Variants in STK39 observed in about 807,000 individuals in gnomAD.
STK39 encodes serine/threonine kinase 39, also known as STE20/SPS1-related proline-alanine-rich protein kinase.
STK39 carries 20 observed loss-of-function variants against 77.8 expected under a neutral mutation model. The ratio of observed to expected loss-of-function variants is 0.26; its 90% confidence interval spans 0.18 to 0.37. STK39 has a LOEUF of 0.37. Ranked by LOEUF, STK39 falls within the 10% of genes least tolerant of loss-of-function variation. The probability of loss-of-function intolerance (pLI) is 1.00; values close to 1 mark genes in which losing one functional copy is unlikely to be tolerated. For missense variants in STK39, 479 were observed against 656.5 expected (o/e 0.73, Z 2.95); for synonymous variants, 246 against 234.1 (o/e 1.05, Z -0.47).
At chr2:167,970,078 A>G (rs112416527) in intron 16 of STK39, among the ~76,000 whole-genome samples, 94 of 152,136 alleles carry the variant, frequency 6.2e-4, no homozygotes, top group African/African-American at 2.0e-3. Context: ...TTCTTCCTCC[A>G]TGACTCCATG....
At chr2:168,107,184 C>T (rs1436141759) in intron 10 of STK39, among the ~76,000 whole-genome samples, 2 of 152,284 alleles carry the variant, frequency 1.3e-5, no homozygotes, top group South Asian at 2.1e-4. Flanking sequence ...AAGGTGACTG[C>T]GATTTTATCC....
At chr2:167,987,107 T>C (rs1201575314) in intron 16 of STK39, among the ~76,000 whole-genome samples, 1 of 152,130 alleles carries the variant, frequency 6.6e-6, no homozygotes, top group Non-Finnish European at 1.5e-5. Context: ...TTCCCTCCCA[T>C]TGGAAGAAAT....
Position 167,966,301 on chromosome 2 carries a change from T to C in STK39, c.1499-1575A>G, listed in dbSNP as rs535201478. Among the ~76,000 whole-genome samples the C allele has an allele frequency of 2.0e-5, 3 of 152,356 alleles. No individual in the cohort carries two copies. In the East Asian group the frequency reaches 5.8e-4, roughly 29 times the overall value. On this transcript the variant is annotated intron_variant, in intron 16 of 17. Coordinates refer to ENST00000355999, the MANE Select transcript of STK39 (RefSeq NM_013233.3). ...CATTGGCTCATGGAGTGCAAAGCTC[T>C]GCTGTAAAATCCTGTCCACCAAAGC...
chr2:167,966,706 A>T (rs1692168991), intron 16 of STK39, among the ~76,000 whole-genome samples: 1 of 152,160 alleles, frequency 6.6e-6, no homozygotes, highest in South Asian at 2.1e-4. Flanking sequence ...TTAAACAATC[A>T]TCCCAGAAAC....
chr2:167,958,948 C>G (rs1691859914), intron 17 of STK39, among the ~76,000 whole-genome samples: 1 of 152,126 alleles, frequency 6.6e-6, no homozygotes, highest in Admixed American at 6.5e-5. Context: ...ACAATGTCAA[C>G]AAATCATACC....
intron 10 of STK39, among the ~76,000 whole-genome samples, chr2:168,102,793 G>A (rs960046948): frequency 1.3e-5 from 2 of 151,948 alleles, no homozygotes; most frequent in Admixed American, 6.6e-5. Flanking sequence ...TAGTCTGTGT[G>A]GTGGTGGGCA....
chr2:168,026,596 T>C (rs1159532293), intron 14 of STK39, among the ~76,000 whole-genome samples: 2 of 152,220 alleles, frequency 1.3e-5, no homozygotes, highest in Admixed American at 1.3e-4. Context: ...TCTAGACCAC[T>C]GCTCTTTATT....
chr2:168,157,805 G>A (rs562162518), intron 5 of STK39, among the ~76,000 whole-genome samples: 6 of 152,030 alleles, frequency 3.9e-5, no homozygotes, highest in South Asian at 2.1e-4. Flanking sequence ...AAAGGCAAAC[G>A]TAAGTGAAAA....
chr2:168,065,011 T>C (rs549328048), intron 13 of STK39, among the ~76,000 whole-genome samples: 6 of 152,158 alleles, frequency 3.9e-5, no homozygotes, highest in Non-Finnish European at 7.4e-5. Context: ...AAAATAAAAG[T>C]ATCAATTAAC....
chr2:168,137,229 T>C (rs3769409), intron 8 of STK39, among the ~76,000 whole-genome samples: 61,649 of 152,108 alleles, frequency 0.41, 13,868 homozygotes, highest in East Asian at 0.7. Context: ...TCAGTTATTA[T>C]GTTTTAAAAT....
At chr2:168,129,790 C>T (rs776579187) in intron 8 of STK39, 32 bp from the exon 9 acceptor site, 1 of 1,610,168 alleles carries the variant, frequency 6.2e-7, no homozygotes. Context: ...AGAGTTGAAA[C>T]AATGACCACT....
chr2:168,211,711 C>T (rs1195608781), intron 1 of STK39, among the ~76,000 whole-genome samples: 1 of 152,182 alleles, frequency 6.6e-6, no homozygotes, highest in Non-Finnish European at 1.5e-5. Flanking sequence ...CTGAGGAGCT[C>T]ATGAGAGGAA....
chr2:167,985,848 G>A (rs1159748731), intron 16 of STK39, among the ~76,000 whole-genome samples: 1 of 152,140 alleles, frequency 6.6e-6, no homozygotes, highest in Non-Finnish European at 1.5e-5. Flanking sequence ...AAGTTCAATA[G>A]CTTTAACAAC....
intron 1 of STK39, among the ~76,000 whole-genome samples, chr2:168,235,345 G>A (rs758064176): frequency 2.6e-5 from 4 of 151,950 alleles, no homozygotes; most frequent in Admixed American, 6.6e-5. Context: ...GCCGGCCCGA[G>A]TCAATAATAT....
At chr2:168,230,902 G>A (rs536907756) in intron 1 of STK39, among the ~76,000 whole-genome samples, 14 of 152,266 alleles carry the variant, frequency 9.2e-5, no homozygotes, top group African/African-American at 2.9e-4. Flanking sequence ...TCTTGCTGCT[G>A]TGTAGTAGTC....
chr2:167,975,785 G>T (rs1683261447), intron 16 of STK39, among the ~76,000 whole-genome samples: 1 of 152,186 alleles, frequency 6.6e-6, no homozygotes, highest in Non-Finnish European at 1.5e-5. Context: ...TTGGTGGCTG[G>T]TAACCATCAG....
chr2:168,229,892 T>C (rs896733336), intron 1 of STK39, among the ~76,000 whole-genome samples: 3 of 152,176 alleles, frequency 2.0e-5, no homozygotes, highest in African/African-American at 7.2e-5. Context: ...CATCTTTAGA[T>C]TGTTTAGCAA....
intron 16 of STK39, among the ~76,000 whole-genome samples, chr2:167,984,032 T>C (rs16854450): frequency 0.051 from 7,680 of 152,042 alleles, 697 homozygotes; most frequent in African/African-American, 0.17. Context: ...GCATGGTGAG[T>C]GGTTGCATAG....
chr2:168,063,695 C>T (rs770322052), intron 13 of STK39, 125 bp from the exon 14 acceptor site: 9 of 774,514 alleles, frequency 1.2e-5, no homozygotes, highest in East Asian at 5.6e-5. Context: ...TCTTTACACA[C>T]GCAGGCCTTC....
Sources: allele counts gnomAD v4.1 joint callset (sites outside exome capture counted in the v4.1 genomes callset), GRCh38; gene constraint gnomAD v4.1.1; transcripts MANE v1.5; gene names NCBI Gene and HGNC (gene_info 2026-07-23, HGNC 2026-07-21).